KLHL29: variants seen among roughly 807,000 people sequenced by gnomAD.
KLHL29 encodes kelch-like protein 29.
A neutral mutation model predicts 80.4 loss-of-function variants in KLHL29; 21 were observed. The ratio of observed to expected loss-of-function variants is 0.26; its 90% CI spans 0.19 to 0.38. The LOEUF (loss-of-function observed/expected upper bound fraction) is 0.38. KLHL29 is among the 10% of genes least tolerant of loss of function. The pLI is 1.00. For synonymous variants in KLHL29, 511 were observed against 526.8 expected, an observed-to-expected ratio of 0.97 and a Z score of 0.41; for missense variants, 867 against 1,223.9, an observed-to-expected ratio of 0.71 and a Z score of 4.35.
At chr2:23,643,011 G>A (rs931449201) in intron 5 of KLHL29, 161 bp downstream of exon 5, 2 of 853,340 alleles carry the variant, frequency 2.3e-6, no homozygotes, top group African/African-American at 1.7e-5. Flanking sequence ...AAGACAACTG[G>A]CCTGAGATGG....
In KLHL29 at chr2:23,550,816, A is replaced by T. The variant is rs532073845; in HGVS notation, c.-45-11336A>T. Among the ~76,000 whole-genome samples the T allele has an allele frequency of 5.9e-5, 9 of 152,362 alleles. No individual in the cohort carries two copies. The South Asian group carries it at 1.9e-3, about 32-fold the overall frequency. On this transcript the variant is annotated intron_variant, in intron 2 of 13. Coordinates refer to ENST00000486442, the MANE Select transcript of KLHL29 (RefSeq NM_052920.2). ...TAGGATTCATTCATCAGCTTGGGCC[A>T]CTGATGAACACCATTTCCTGTGAAG...
intron 5 of KLHL29, among the ~76,000 whole-genome samples, chr2:23,674,849 G>C (rs141007387): frequency 6.6e-6 from 1 of 151,980 alleles, no homozygotes; most frequent in East Asian, 1.9e-4. Flanking sequence ...ATAAAAGGAC[G>C]GTAGGGCCAC....
At chr2:23,634,285 G>C (rs1006787671) in intron 3 of KLHL29, among the ~76,000 whole-genome samples, 1 of 152,162 alleles carries the variant, frequency 6.6e-6, no homozygotes, top group Non-Finnish European at 1.5e-5. Context: ...GTGGGTGCTG[G>C]CATCATCGTC....
At position 23,695,534 on chromosome 2, in the gene KLHL29, T is replaced by A. The variant is rs1572517634; in HGVS notation, c.1543-89T>A. 6.7e-6 allele frequency: 6 copies of A among 898,022 alleles called. No individual in the cohort carries two copies. Among genetic ancestry groups the A allele is most frequent in the Non-Finnish European group, 1.0e-5 (6 of 598,424 alleles). 55.6% of individuals were successfully genotyped at this position (898,022 alleles called of 1,614,324 possible). ...GCCTAACACAGCCTGGAATTATCCATTCTTGTGCAGCCCCACACCATTTCT... is the reference window on the plus strand; with the variant it reads ...GCCTAACACAGCCTGGAATTATCCAATCTTGTGCAGCCCCACACCATTTCT... On this transcript the variant is annotated intron_variant, in intron 8 of 13. Coordinates refer to ENST00000486442, the MANE Select transcript of KLHL29 (RefSeq NM_052920.2). The surrounding 1 kb of genome is among the most constrained non-coding windows in gnomAD (Gnocchi z 7.6).
intron 5 of KLHL29, among the ~76,000 whole-genome samples, chr2:23,654,333 G>T (rs1313922792): frequency 6.6e-6 from 1 of 152,074 alleles, no homozygotes; most frequent in East Asian, 1.9e-4. Flanking sequence ...ACCCCAAATA[G>T]AACCTGTTGC....
At chr2:23,520,353 G>A (rs143563137) in intron 2 of KLHL29, among the ~76,000 whole-genome samples, 2 of 152,298 alleles carry the variant, frequency 1.3e-5, no homozygotes, top group East Asian at 1.9e-4. Context: ...CACCCAGGGA[G>A]GGCTGGAGGG....
intron 5 of KLHL29, among the ~76,000 whole-genome samples, chr2:23,666,740 C>T (rs1670564997): frequency 6.6e-6 from 1 of 152,248 alleles, no homozygotes; most frequent in African/African-American, 2.4e-5. Context: ...GTCAGGCAGA[C>T]AGCACATGTG....
intron 1 of KLHL29, among the ~76,000 whole-genome samples, chr2:23,402,273 T>C (rs2103389342): frequency 6.6e-6 from 1 of 152,324 alleles, no homozygotes; most frequent in Non-Finnish European, 1.5e-5. Flanking sequence ...GTGTTGACTA[T>C]TGTCCTATGG....
chr2:23,662,526 TCAC>T (rs926951444), intron 5 of KLHL29, among the ~76,000 whole-genome samples: 1 of 152,094 alleles, frequency 6.6e-6, no homozygotes, highest in African/African-American at 2.4e-5. Flanking sequence ...GCGGTTGAGT[TCAC>T]CAGCCCCTCC....
chr2:23,391,678 G>A (rs575785257), intron 1 of KLHL29, among the ~76,000 whole-genome samples: 4 of 152,004 alleles, frequency 2.6e-5, no homozygotes, highest in Admixed American at 6.6e-5. Flanking sequence ...CAGGTAATTC[G>A]CCTGTCTCTG....
chr2:23,499,167 T>C (rs1442874583), intron 2 of KLHL29, among the ~76,000 whole-genome samples: 1 of 152,178 alleles, frequency 6.6e-6, no homozygotes, highest in Non-Finnish European at 1.5e-5. Flanking sequence ...TTTTTTGGCA[T>C]ACTCACTGAA....
intron 3 of KLHL29, among the ~76,000 whole-genome samples, chr2:23,606,332 G>A (rs895373999): frequency 1.3e-5 from 2 of 152,068 alleles, no homozygotes; most frequent in African/African-American, 4.8e-5. Flanking sequence ...CCTCCCAGCC[G>A]CTCTGCTGCT....
rs751963042 is a variant in KLHL29, at chr2:23,696,296, C to T, written c.1925-37C>T. 1 of 1,546,054 alleles carries T rather than the reference C, an allele frequency of 6.5e-7. No individual in the cohort carries two copies. Among genetic ancestry groups the T allele is most frequent in the Non-Finnish European group, 8.7e-7 (1 of 1,142,954 alleles). ...CCTGCTGACCCCAGGCCCCTCCTCA[C>T]CCCGCCCGCTCTCTCTGCCTCCCAC... On this transcript the variant is annotated intron_variant, in intron 10 of 13. Coordinates refer to ENST00000486442, the MANE Select transcript of KLHL29 (RefSeq NM_052920.2). The surrounding 1 kb of genome is among the most constrained non-coding windows in gnomAD (Gnocchi z 5.5).
At chr2:23,563,454 A>G (rs1667504324) in intron 3 of KLHL29, among the ~76,000 whole-genome samples, 1 of 152,224 alleles carries the variant, frequency 6.6e-6, no homozygotes, top group South Asian at 2.1e-4. Context: ...CCCTTGGGGC[A>G]GTGTCCGTGT....
intron 1 of KLHL29, among the ~76,000 whole-genome samples, chr2:23,453,108 T>TA (rs11450727): frequency 0.11 from 16,322 of 143,978 alleles, 1,727 homozygotes; most frequent in East Asian, 0.29. Flanking sequence ...TATGTTTCAT[T>TA]AAAAAAAAAA....
At chr2:23,484,465 A>C (rs923072815) in intron 2 of KLHL29, among the ~76,000 whole-genome samples, 7 of 152,230 alleles carry the variant, frequency 4.6e-5, no homozygotes, top group African/African-American at 1.4e-4. Flanking sequence ...GTAACAGCAC[A>C]GGAGGCAACA....
chr2:23,599,766 G>A (rs1558403663), intron 3 of KLHL29, among the ~76,000 whole-genome samples: 1 of 152,188 alleles, frequency 6.6e-6, no homozygotes, highest in Non-Finnish European at 1.5e-5. Context: ...GTGCATTACT[G>A]TTTGTAATTT....
At chr2:23,634,347 C>T (rs1669552577) in intron 3 of KLHL29, among the ~76,000 whole-genome samples, 1 of 151,412 alleles carries the variant, frequency 6.6e-6, no homozygotes. Flanking sequence ...AAGCCTGTCT[C>T]TGTCAGATGT....
intron 2 of KLHL29, among the ~76,000 whole-genome samples, chr2:23,499,130 G>A (rs1431091372): frequency 1.3e-5 from 2 of 152,154 alleles, no homozygotes; most frequent in Non-Finnish European, 2.9e-5. Context: ...TGAGGAAATG[G>A]TTTCGCAAGA....
Sources: allele counts gnomAD v4.1 joint callset (sites outside exome capture counted in the v4.1 genomes callset), GRCh38; gene constraint gnomAD v4.1.1; non-coding constraint Gnocchi (gnomAD v3.1); transcripts MANE v1.5; gene names NCBI Gene and HGNC (gene_info 2026-07-23, HGNC 2026-07-21).